RHCE: variants seen among roughly 807,000 people sequenced by gnomAD.
RHCE encodes the protein blood group Rh(CE) polypeptide.
RHCE carries 22 observed loss-of-function variants against 43.8 expected under a neutral mutation model. The ratio of observed to expected loss-of-function variants is 0.50; its 90% CI spans 0.36 to 0.72. RHCE has a LOEUF of 0.72. Among genes scored for constraint, RHCE ranks in the 30% least tolerant of loss-of-function variants. RHCE has a pLI of 0.00. For synonymous variants in RHCE, 156 were observed against 210.7 expected (o/e 0.74, Z 2.25); for missense variants, 385 against 525.4 (o/e 0.73, Z 2.61).
Position 25,406,985 on chromosome 1 carries a change from C to T in RHCE, c.335+1698G>A, listed in dbSNP as rs1405044046. On this transcript the variant is annotated intron_variant, in intron 2 of 9. Coordinates refer to ENST00000294413, the MANE Select transcript of RHCE (RefSeq NM_020485.8). ...TTGTCCAGGCTGGAGTAAAGTGGCA[C>T]GATCATGGCTCACTCAGCCTCAGCC... Among the ~76,000 whole-genome samples, 187 of 120,960 alleles carry T rather than the reference C, an allele frequency of 1.5e-3. 43 individuals are homozygous for T. Among genetic ancestry groups the T allele is most frequent in the East Asian group, 2.6e-3 (6 of 2,352 alleles). The allele number at this position is 120,960 out of a possible 152,430, so 79.4% of individuals were successfully genotyped here.
chr1:25,396,851 C>T (rs535063057), intron 3 of RHCE, among the ~76,000 whole-genome samples: 2 of 151,976 alleles, frequency 1.3e-5, no homozygotes, highest in South Asian at 2.1e-4. Context: ...TGGTGGCCCA[C>T]GCCTGTAATC....
At chr1:25,378,363 A>C (rs901913807) in intron 7 of RHCE, among the ~76,000 whole-genome samples, 2 of 152,224 alleles carry the variant, frequency 1.3e-5, no homozygotes, top group African/African-American at 4.8e-5. Context: ...AAGTGCTAGA[A>C]TGTTCAGAGG....
At chr1:25,416,926 TTTAA>T (rs1647559682) in intron 1 of RHCE, among the ~76,000 whole-genome samples, 1 of 151,652 alleles carries the variant, frequency 6.6e-6, no homozygotes, top group South Asian at 2.1e-4. Context: ...TTTTTTTTTT[TTTAA>T]TTAACTATTA....
chr1:25,369,478 G>C (rs778230141), intron 9 of RHCE, among the ~76,000 whole-genome samples: 2 of 151,614 alleles, frequency 1.3e-5, no homozygotes, highest in Non-Finnish European at 2.9e-5. Context: ...TATGAGTGTA[G>C]GTCAAAGGGA....
At chr1:25,410,888 G>A (rs993478860) in intron 1 of RHCE, among the ~76,000 whole-genome samples, 2 of 151,950 alleles carry the variant, frequency 1.3e-5, no homozygotes, top group African/African-American at 4.8e-5. Context: ...TCAGCAGTTC[G>A]AGACTAGCCT....
rs1287789061 is a variant in RHCE, at chr1:25,389,117, C to T, written c.802-4G>A. ...ACACCGCACTGTGCACATAAGTCTG[C>T]AAAGAAATAGCGTGTGGGTAAAGGA... On this transcript the variant is annotated splice_region_variant and splice_polypyrimidine_tract_variant and intron_variant, in intron 5 of 9. Coordinates refer to ENST00000294413, the MANE Select transcript of RHCE (RefSeq NM_020485.8). The T allele has an allele frequency of 7.4e-6, 12 of 1,613,864 alleles. No individual in the cohort carries two copies. The East Asian group carries it at 2.7e-4, about 36-fold the overall frequency.
At position 25,405,763 on chromosome 1, in the gene RHCE, C is replaced by A. The variant is rs28677062; in HGVS notation, c.335+2920G>T. ...GTTATCAGTATGTGAGGAAAACAAA[C>A]AACAACGTTGAATAAGATAGGCCCC... On this transcript the variant is annotated intron_variant, in intron 2 of 9. Coordinates refer to ENST00000294413, the MANE Select transcript of RHCE (RefSeq NM_020485.8). Among the ~76,000 whole-genome samples, 3 of 112,470 alleles carry A rather than the reference C, an allele frequency of 2.7e-5. 1 individual carries two copies. The highest frequency in any genetic ancestry group is 7.9e-5 in the African/African-American group (3 of 38,144). 73.8% of individuals were successfully genotyped at this position (112,470 alleles called of 152,430 possible).
At chr1:25,417,637 T>C (rs1483734336) in intron 1 of RHCE, among the ~76,000 whole-genome samples, 1 of 152,140 alleles carries the variant, frequency 6.6e-6, no homozygotes, top group African/African-American at 2.4e-5. Context: ...ATTGACACCA[T>C]TATGATTAGT....
At chr1:25,395,307 A>G (rs1344305993) in intron 3 of RHCE, among the ~76,000 whole-genome samples, 1 of 150,330 alleles carries the variant, frequency 6.7e-6, no homozygotes, top group Admixed American at 6.6e-5. Flanking sequence ...GATCTGGGAC[A>G]TAGAAATGCA....
intron 7 of RHCE, among the ~76,000 whole-genome samples, chr1:25,384,955 T>C (rs1472481271): frequency 1.3e-5 from 2 of 152,258 alleles, no homozygotes; most frequent in Non-Finnish European, 2.9e-5. Flanking sequence ...TCAGTGAATA[T>C]GATTATCATC....
chr1:25,389,053 T>A lies in RHCE; in HGVS notation c.862A>T (p.Ile288Phe). ...GVAVGTSCHLIPSPWLAMVLG... is the reference protein window; with the variant it reads ...GVAVGTSCHLFPSPWLAMVLG... ...ACCATGGCAAGCCACGGAGAAGGGA[T>A]CAGGTGACACGAGGTACCCACAGCC... The change falls in exon 6 of 10, where the codon ATC becomes TTC. Residue 288 changes from isoleucine (I) to phenylalanine (F), a missense_variant. Ile to Phe is a conservative substitution (Grantham distance 21, BLOSUM62 0). Around this residue, in one of 6 missense-constraint regions of RHCE, gnomAD observed 56 missense variants for 90.0 expected, o/e 0.62. Coordinates refer to ENST00000294413, the MANE Select transcript of RHCE (RefSeq NM_020485.8). 1 of 1,614,070 alleles carries A rather than the reference T, an allele frequency of 6.2e-7. No individual in the cohort carries two copies.
At chr1:25,386,193 C>T (rs1001658065) in intron 6 of RHCE, among the ~76,000 whole-genome samples, 6 of 152,170 alleles carry the variant, frequency 3.9e-5, no homozygotes, top group Admixed American at 1.3e-4. Flanking sequence ...CTGCCCTGTG[C>T]ACTGTAGGAT....
chr1:25,395,671 G>A (rs1273705615), intron 3 of RHCE, among the ~76,000 whole-genome samples: 2 of 152,084 alleles, frequency 1.3e-5, no homozygotes, highest in Non-Finnish European at 2.9e-5. Context: ...ATTAAGCAGA[G>A]AGAAAAGGCA....
intron 7 of RHCE, among the ~76,000 whole-genome samples, chr1:25,384,442 G>A (rs1646089112): frequency 6.6e-6 from 1 of 151,784 alleles, no homozygotes; most frequent in Non-Finnish European, 1.5e-5. Context: ...CATCTGAGTA[G>A]GACCTTGCTA....
chr1:25,405,763 C>G (rs28677062), intron 2 of RHCE, among the ~76,000 whole-genome samples: 105,418 of 112,568 alleles, frequency 0.94, 50,557 homozygotes, highest in Middle Eastern at 0.96. Context: ...GGAAAACAAA[C>G]AACAACGTTG....
At chr1:25,411,490 G>C in intron 1 of RHCE, 1 of 1,535,888 alleles carries the variant, frequency 6.5e-7, no homozygotes, top group Non-Finnish European at 8.8e-7. Context: ...TGCCAGAGAG[G>C]ACAAGGGAGG....
chr1:25,407,641 G>C lies in RHCE; in HGVS notation c.335+1042C>G. ...ATCATCTGGGGAGCTGAGAGATTCAGAGGTTTGAACAAAACAAAACAATGT... is the reference window on the plus strand; with the variant it reads ...ATCATCTGGGGAGCTGAGAGATTCACAGGTTTGAACAAAACAAAACAATGT... On this transcript the variant is annotated intron_variant, in intron 2 of 9. Coordinates refer to ENST00000294413, the MANE Select transcript of RHCE (RefSeq NM_020485.8). Among the ~76,000 whole-genome samples the C allele has an allele frequency of 1.6e-5, 2 of 123,596 alleles. 1 individual carries two copies. The highest frequency in any genetic ancestry group is 3.7e-5 in the Non-Finnish European group (2 of 54,104). 81.1% of individuals were successfully genotyped at this position (123,596 alleles called of 152,430 possible).
intron 3 of RHCE, among the ~76,000 whole-genome samples, chr1:25,393,682 C>T (rs928866192): frequency 2.0e-5 from 3 of 151,844 alleles, no homozygotes; most frequent in Non-Finnish European, 2.9e-5. Context: ...AAGCCTCCAG[C>T]GGCTCCCATG....
intron 7 of RHCE, among the ~76,000 whole-genome samples, chr1:25,384,709 A>G (rs1260191156): frequency 6.6e-6 from 1 of 152,178 alleles, no homozygotes; most frequent in African/African-American, 2.4e-5. Context: ...CAGCGCCTCC[A>G]TGATTTCTCT....
Sources: allele counts gnomAD v4.1 joint callset (sites outside exome capture counted in the v4.1 genomes callset), GRCh38; gene constraint gnomAD v4.1.1; regional missense constraint gnomAD v4.1.1; transcripts MANE v1.5; gene names NCBI Gene and HGNC (gene_info 2026-07-23, HGNC 2026-07-21).